The following NME7 variants were observed in gnomAD, a reference collection of about 807,000 sequenced individuals.
NME7 encodes nucleoside diphosphate kinase 7.
In NME7, 41 loss-of-function variants were observed where a neutral mutation model predicts 49.1. The observed-to-expected ratio is 0.83, with a 90% confidence interval of 0.65 to 1.08. NME7 has a LOEUF of 1.08. Among genes scored for constraint, NME7 ranks in the 50% least tolerant of loss-of-function variants. The pLI is 0.00. For synonymous variants in NME7, 139 were observed against 150.6 expected (o/e 0.92, Z 0.56); for missense variants, 423 against 463.4 (o/e 0.91, Z 0.80).
intron 10 of NME7, among the ~76,000 whole-genome samples, chr1:169,200,686 T>G (rs74317850): frequency 0.048 from 7,339 of 152,222 alleles, 237 homozygotes; most frequent in East Asian, 0.13. Context: ...TCCACTGAAA[T>G]TATTCAAACT....
chr1:169,342,632 TATA>T, intron 1 of NME7, among the ~76,000 whole-genome samples: 1 of 62,092 alleles, frequency 1.6e-5, no homozygotes, highest in Non-Finnish European at 2.8e-5. Context: ...AGTACATATA[TATA>T]GTATATATAT....
At chr1:169,257,094 A>G (rs1193095181) in intron 7 of NME7, among the ~76,000 whole-genome samples, 2 of 134,772 alleles carry the variant, frequency 1.5e-5, no homozygotes, top group Admixed American at 7.2e-5. Context: ...GGCTCCGCCC[A>G]GGTGGAGCTT....
At chr1:169,304,792 T>C (rs1176948429) in intron 4 of NME7, among the ~76,000 whole-genome samples, 1 of 152,156 alleles carries the variant, frequency 6.6e-6, no homozygotes, top group East Asian at 1.9e-4. Context: ...TTCTGACTGC[T>C]TATGCTCTTG....
chr1:169,199,925 T>C (rs1201971715), intron 10 of NME7, among the ~76,000 whole-genome samples: 1 of 152,120 alleles, frequency 6.6e-6, no homozygotes, highest in East Asian at 1.9e-4. Flanking sequence ...GGAAATTCAA[T>C]GATGATGAGT....
chr1:169,339,666 ACATTTTCCATTTGT>A (rs1487622438), intron 1 of NME7, among the ~76,000 whole-genome samples: 1 of 152,300 alleles, frequency 6.6e-6, no homozygotes, highest in African/African-American at 2.4e-5. Flanking sequence ...GATGTGCTAG[ACATTTTCCATTTGT>A]CATTTTCCAT....
intron 11 of NME7, among the ~76,000 whole-genome samples, chr1:169,160,231 T>C (rs149857123): frequency 3.9e-5 from 6 of 152,310 alleles, no homozygotes; most frequent in South Asian, 2.1e-4. Context: ...CATCTTTCCT[T>C]GTTTATAACT....
At chr1:169,182,132 G>A (rs1659945522) in intron 10 of NME7, among the ~76,000 whole-genome samples, 1 of 146,650 alleles carries the variant, frequency 6.8e-6, no homozygotes, top group Non-Finnish European at 1.5e-5. Context: ...AGCTTCCAGA[G>A]TAGCTCGGAC....
chr1:169,206,041 C>T (rs950092045), intron 10 of NME7, among the ~76,000 whole-genome samples: 1 of 152,016 alleles, frequency 6.6e-6, no homozygotes, highest in African/African-American at 2.4e-5. Flanking sequence ...TAAATGCAGC[C>T]TTCTCTGTCC....
chr1:169,178,277 C>T (rs1279991160), intron 10 of NME7, among the ~76,000 whole-genome samples: 1 of 152,166 alleles, frequency 6.6e-6, no homozygotes, highest in African/African-American at 2.4e-5. Context: ...CTAAAAACTA[C>T]ATTCCCCAGA....
At chr1:169,242,401 GA>G (rs768285377) in intron 7 of NME7, among the ~76,000 whole-genome samples, 24 of 151,780 alleles carry the variant, frequency 1.6e-4, no homozygotes, top group African/African-American at 5.1e-4. Context: ...AAAACTGTAA[GA>G]AAAAAATAGA....
chr1:169,149,849 G>T (rs1350333785), intron 11 of NME7, among the ~76,000 whole-genome samples: 1 of 152,170 alleles, frequency 6.6e-6, no homozygotes, highest in East Asian at 1.9e-4. Context: ...GAGAGTAACT[G>T]GGACCAATGG....
At chr1:169,361,530 A>G (rs1653652362) in intron 1 of NME7, among the ~76,000 whole-genome samples, 1 of 152,212 alleles carries the variant, frequency 6.6e-6, no homozygotes, top group Non-Finnish European at 1.5e-5. Flanking sequence ...CTATAATCCC[A>G]GCAGTTTGGA....
chr1:169,185,090 T>C (rs3766062), intron 10 of NME7, among the ~76,000 whole-genome samples: 56,353 of 151,928 alleles, frequency 0.37, 11,029 homozygotes, highest in East Asian at 0.73. Flanking sequence ...TTCTGTGAAC[T>C]TCTTTCCATT....
intron 10 of NME7, among the ~76,000 whole-genome samples, chr1:169,205,555 T>C (rs187274831): frequency 6.6e-6 from 1 of 152,286 alleles, no homozygotes; most frequent in African/African-American, 2.4e-5. Context: ...CTTATTCTTT[T>C]TCCGTTTTAT....
intron 4 of NME7, among the ~76,000 whole-genome samples, chr1:169,305,856 C>T (rs989167599): frequency 4.6e-5 from 7 of 152,172 alleles, no homozygotes; most frequent in African/African-American, 1.2e-4. Flanking sequence ...ACCCAGAAGT[C>T]TCATGTCATC....
intron 9 of NME7, among the ~76,000 whole-genome samples, chr1:169,231,460 G>A (rs1647615253): frequency 1.3e-5 from 2 of 152,134 alleles, no homozygotes. Context: ...GACAAAGATT[G>A]CACTTCGGGG....
intron 1 of NME7, among the ~76,000 whole-genome samples, chr1:169,353,548 T>C (rs947165399): frequency 2.6e-5 from 4 of 152,078 alleles, no homozygotes; most frequent in East Asian, 3.9e-4. Context: ...CATGGATAAA[T>C]TGGGGCACAT....
chr1:169,178,952 C>T (rs1392775253), intron 10 of NME7, among the ~76,000 whole-genome samples: 2 of 151,740 alleles, frequency 1.3e-5, no homozygotes, highest in African/African-American at 4.8e-5. Flanking sequence ...TCCTGAGTAG[C>T]TGGGATTACA....
intron 1 of NME7, among the ~76,000 whole-genome samples, chr1:169,337,259 G>A (rs1009398704): frequency 2.0e-5 from 3 of 152,326 alleles, no homozygotes; most frequent in East Asian, 3.9e-4. Flanking sequence ...GAAATCGAGC[G>A]CAGCGCCGGT....
Sources: gnomAD v4.1 joint callset for allele counts (sites outside exome capture counted in the v4.1 genomes callset) on GRCh38, gnomAD v4.1.1 for gene constraint, MANE v1.5 for transcripts, NCBI Gene and HGNC (gene_info 2026-07-23, HGNC 2026-07-21) for gene names.